The following ASB13 variants were observed in gnomAD, a reference collection of about 807,000 sequenced individuals.
The protein encoded by ASB13 is ankyrin repeat and SOCS box containing 13, also known as ankyrin repeat and SOCS box protein 13.
ASB13 carries 33 observed loss-of-function variants against 28.8 expected under a neutral mutation model. The ratio of observed to expected loss-of-function variants is 1.15; its 90% CI spans 0.87 to 1.53. The LOEUF is 1.53. Among genes scored for constraint, ASB13 ranks in the 40% most tolerant of loss-of-function variants. The pLI is 0.00. For synonymous variants in ASB13, 182 were observed against 172.9 expected, an observed-to-expected ratio of 1.05 and a Z score of -0.41; for missense variants, 414 against 390.1, an observed-to-expected ratio of 1.06 and a Z score of -0.52.
chr10:5,647,369 T>C (rs1412600337), intron 4 of ASB13, among the ~76,000 whole-genome samples: 1 of 152,268 alleles, frequency 6.6e-6, no homozygotes, highest in African/African-American at 2.4e-5. Context: ...AAAAACCCTG[T>C]GCTAACAGTC....
intron 4 of ASB13, among the ~76,000 whole-genome samples, chr10:5,646,897 T>A (rs959658490): frequency 3.9e-5 from 6 of 152,148 alleles, no homozygotes; most frequent in Non-Finnish European, 5.9e-5. Context: ...GAGGAACGGC[T>A]CGGCTGGAAA....
At chr10:5,653,822 C>T (rs542275342) in intron 1 of ASB13, among the ~76,000 whole-genome samples, 51 of 152,238 alleles carry the variant, frequency 3.4e-4, no homozygotes, top group African/African-American at 1.1e-3. Flanking sequence ...GCTGGGATTA[C>T]GGGCACACAC....
At chr10:5,653,182 A>T in intron 1 of ASB13, 132 bp from the exon 2 acceptor site, 1 of 1,015,070 alleles carries the variant, frequency 9.9e-7, no homozygotes, top group Non-Finnish European at 1.4e-6. Flanking sequence ...CAGCACTTCT[A>T]CAAAGATCCC....
chr10:5,666,370 C>T, intron 1 of ASB13, 139 bp downstream of exon 1: 1 of 630,932 alleles, frequency 1.6e-6, no homozygotes, highest in Non-Finnish European at 2.1e-6. Flanking sequence ...TCACCGCGGC[C>T]CACCCCGCCA....
At position 5,663,181 on chromosome 10, in the gene ASB13, G is replaced by A. The variant is rs1024918275; in HGVS notation, c.43+3328C>T. Among the ~76,000 whole-genome samples the A allele has an allele frequency of 1.3e-5, 2 of 152,174 alleles. No homozygotes were observed. The highest frequency in any genetic ancestry group is 6.5e-5 in the Admixed American group (1 of 15,276). ...GGACAAAATGGTCAAAACTCAGTAA[G>A]AGTGGAGAAAAGAAAGGGAAAGAAT... On this transcript the variant is annotated intron_variant, in intron 1 of 5. Transcript: ENST00000357700. This position sits in a 1 kb window ranked among gnomAD's most constrained non-coding sequence, Gnocchi z 4.9.
In ASB13 at chr10:5,644,072, G is replaced by A. The variant is rs2131442342; in HGVS notation, c.518-2111C>T. Among the ~76,000 whole-genome samples the A allele has an allele frequency of 6.6e-6, 1 of 152,344 alleles. No individual in the cohort carries two copies. Among genetic ancestry groups the A allele is most frequent in the African/African-American group, 2.4e-5 (1 of 41,582 alleles). ...TGAATAAGGAAGGAAATGAAATTGT[G>A]AATAAGGGATTGAAGGGAAACACCA... On this transcript the variant is annotated intron_variant, in intron 4 of 5. Transcript: ENST00000357700. This position sits in a 1 kb window ranked among gnomAD's most constrained non-coding sequence, Gnocchi z 5.1.
rs1347717563 is a variant in ASB13, at chr10:5,642,506, G to A, written c.518-545C>T. On this transcript the variant is annotated intron_variant, in intron 4 of 5. Coordinates refer to ENST00000357700, the MANE Select transcript of ASB13 (RefSeq NM_024701.4). This position sits in a 1 kb window ranked among gnomAD's most constrained non-coding sequence, Gnocchi z 4.1. ...GTAGGCAATTCAGAGAAGAGAGTAA[G>A]CTCTGCACTCCTCAACTTTCTCACG... The A allele has an allele frequency of 8.1e-7, 1 of 1,239,588 alleles. No individual in the cohort carries two copies. The highest frequency in any genetic ancestry group is 3.4e-5 in the Admixed American group (1 of 29,166). The allele number at this position is 1,239,588 out of a possible 1,614,324, so 76.8% of individuals were successfully genotyped here.
intron 1 of ASB13, among the ~76,000 whole-genome samples, chr10:5,662,193 GCTGA>G (rs1835178171): frequency 6.6e-6 from 1 of 151,972 alleles, no homozygotes; most frequent in Non-Finnish European, 1.5e-5. Context: ...ATGAACACGC[GCTGA>G]CTGTCAGAAC....
rs1263685596 is a variant in ASB13 at position 5,664,638 on chromosome 10, G to A, written c.43+1871C>T. ...GGTTAGAGGTTCATCTACCACAGAA[G>A]GACGTCCATAGGGAATGCAGAATTT... is the stretch of plus-strand genomic sequence containing the variant. On this transcript the variant is annotated intron_variant, in intron 1 of 5. Transcript: ENST00000357700. This position sits in a 1 kb window ranked among gnomAD's most constrained non-coding sequence, Gnocchi z 4.2. Among the ~76,000 whole-genome samples the A allele has an allele frequency of 1.3e-5, 2 of 152,122 alleles. No homozygotes were observed. The highest frequency in any genetic ancestry group is 2.9e-5 in the Non-Finnish European group (2 of 68,026).
Position 5,645,016 on chromosome 10 carries a change from A to G in ASB13, c.518-3055T>C, listed in dbSNP as rs1362930713. 6.6e-6 allele frequency among the ~76,000 whole-genome samples: 1 copy of G among 152,152 alleles called. No individual in the cohort carries two copies. Among genetic ancestry groups the G allele is most frequent in the African/African-American group, 2.4e-5 (1 of 41,420 alleles). Reference sequence around the variant, plus strand: ...AAAGACAGGGAGCCAGGAAACAAGCAGGGAATTAAAAGCTCTGAACTTCGT... The same window carrying G: ...AAAGACAGGGAGCCAGGAAACAAGCGGGGAATTAAAAGCTCTGAACTTCGT... On this transcript the variant is annotated intron_variant, in intron 4 of 5. Coordinates refer to ENST00000357700, the MANE Select transcript of ASB13 (RefSeq NM_024701.4). The surrounding 1 kb of genome is among the most constrained non-coding windows in gnomAD (Gnocchi z 5.4).
intron 4 of ASB13, among the ~76,000 whole-genome samples, chr10:5,643,582 T>G (rs1011997173): frequency 1.1e-4 from 17 of 152,200 alleles, no homozygotes; most frequent in African/African-American, 3.6e-4. Flanking sequence ...AAAATAATAT[T>G]CAAAAGCAAT....
intron 4 of ASB13, 47 bp downstream of exon 4, chr10:5,648,907 TAAACACCCGCTCGGGC>T (rs1834937473): frequency 6.3e-7 from 1 of 1,585,638 alleles, no homozygotes. Flanking sequence ...CCCACGCAGG[TAAACACCCGCTCGGGC>T]AAACACCCAC....
At position 5,648,989 on chromosome 10, in the gene ASB13, G is replaced by A; in HGVS notation, c.498C>T (p.Val166=). The change falls in exon 4 of 6, where the codon GTC becomes GTT. Residue 166 remains valine (V), a synonymous_variant. Transcript: ENST00000357700. The part of the protein sequence containing the change: ...VACAREHLDC[V]KVLLNAGANV... ...ACTCACCTGCATTGAGCAGCACTTT[G>A]ACACAGTCCAGATGCTCCCGGGCAC... 1 of 1,614,072 alleles carries A rather than the reference G, an allele frequency of 6.2e-7. No individual in the cohort carries two copies. Among genetic ancestry groups the A allele is most frequent in the African/African-American group, 1.3e-5 (1 of 74,918 alleles).
chr10:5,654,850 A>G (rs1835046523), intron 1 of ASB13, among the ~76,000 whole-genome samples: 1 of 152,058 alleles, frequency 6.6e-6, no homozygotes, highest in Admixed American at 6.5e-5. Flanking sequence ...TAATCTCACC[A>G]CTTTGAGAGG....
chr10:5,658,528 A>G lies in ASB13; in HGVS notation c.44-5478T>C, dbSNP rs1835107876. Reference sequence around the variant, plus strand: ...AGTAGTCAAATTCATGGAGATGGAAAGTAGAAAGGTAGTTGCCAGGGGCTT... The same window carrying G: ...AGTAGTCAAATTCATGGAGATGGAAGGTAGAAAGGTAGTTGCCAGGGGCTT... On this transcript the variant is annotated intron_variant, in intron 1 of 5. Transcript: ENST00000357700. The surrounding 1 kb of genome is among the most constrained non-coding windows in gnomAD (Gnocchi z 4.2). Among the ~76,000 whole-genome samples, 1 of 152,202 alleles carries G rather than the reference A, an allele frequency of 6.6e-6. No homozygotes were observed. Among genetic ancestry groups the G allele is most frequent in the Admixed American group, 6.5e-5 (1 of 15,302 alleles).
In ASB13 at chr10:5,664,777, T is replaced by C. The variant is rs978480972; in HGVS notation, c.43+1732A>G. Among the ~76,000 whole-genome samples, 3 of 152,182 alleles carry C rather than the reference T, an allele frequency of 2.0e-5. No individual in the cohort carries two copies. The highest frequency in any genetic ancestry group is 4.4e-5 in the Non-Finnish European group (3 of 68,032). On this transcript the variant is annotated intron_variant, in intron 1 of 5. Transcript: ENST00000357700. The surrounding 1 kb of genome is among the most constrained non-coding windows in gnomAD (Gnocchi z 4.2). ...CTCACTACAACCTCTGCCTATCAGGTTCAAGTGATTCTCCTGCCTCAGCCT... is the reference window on the plus strand; with the variant it reads ...CTCACTACAACCTCTGCCTATCAGGCTCAAGTGATTCTCCTGCCTCAGCCT...
chr10:5,648,886 T>C, intron 4 of ASB13, 84 bp downstream of exon 4: 10 of 1,560,928 alleles, frequency 6.4e-6, no homozygotes, highest in Non-Finnish European at 8.7e-6. Flanking sequence ...AAACACCCAC[T>C]TGGGCAAACA....
Position 5,664,553 on chromosome 10 carries a change from A to T in ASB13, c.43+1956T>A, listed in dbSNP as rs74967988. Among the ~76,000 whole-genome samples the T allele has an allele frequency of 0.045, 6,907 of 152,148 alleles. 199 individuals carry two copies. The highest frequency in any genetic ancestry group is 0.051 in the Non-Finnish European group (3,472 of 67,994). On this transcript the variant is annotated intron_variant, in intron 1 of 5. Coordinates refer to ENST00000357700, the MANE Select transcript of ASB13 (RefSeq NM_024701.4). This position sits in a 1 kb window ranked among gnomAD's most constrained non-coding sequence, Gnocchi z 4.2. ...CAACACTGAAATCTGATTTAAACAA[A>T]AACAATTCTACTGGAGGACCCTGGG... is the stretch of plus-strand genomic sequence containing the variant.
chr10:5,648,183 TCAGGTAAACACCCAC>T (rs1834916812), intron 4 of ASB13, among the ~76,000 whole-genome samples: 2 of 133,462 alleles, frequency 1.5e-5, no homozygotes, highest in South Asian at 2.4e-4. Flanking sequence ...AAACACCCAC[TCAGGTAAACACCCAC>T]GCAGGCAAAC....
Sources: allele counts gnomAD v4.1 joint callset (sites outside exome capture counted in the v4.1 genomes callset), GRCh38; gene constraint gnomAD v4.1.1; non-coding constraint Gnocchi (gnomAD v3.1); transcripts MANE v1.5; gene names NCBI Gene and HGNC (gene_info 2026-07-23, HGNC 2026-07-21).